OGDH: variants seen among roughly 807,000 people sequenced by gnomAD.
OGDH encodes oxoglutarate dehydrogenase, also known as 2-oxoglutarate dehydrogenase complex component E1.
In OGDH, 38 loss-of-function variants were observed where a neutral mutation model predicts 116.6. The ratio of observed to expected loss-of-function variants is 0.33; its 90% CI spans 0.25 to 0.43. OGDH has a LOEUF of 0.43. Ranked by LOEUF, OGDH falls within the 20% of genes least tolerant of loss-of-function variation. The pLI is 1.00. For missense variants in OGDH, 825 were observed against 1,357.2 expected, an observed-to-expected ratio of 0.61 and a Z score of 6.16; for synonymous variants, 488 against 533.3, an observed-to-expected ratio of 0.92 and a Z score of 1.17.
intron 4 of OGDH, among the ~76,000 whole-genome samples, chr7:44,665,182 C>T (rs1043149944): frequency 2.6e-5 from 4 of 151,846 alleles, no homozygotes; most frequent in African/African-American, 9.7e-5. Flanking sequence ...CGTGCTTCAC[C>T]TAGGCCCAAG....
Position 44,681,699 on chromosome 7 carries a change from G to T in OGDH, c.1207-21G>T, listed in dbSNP as rs781778707. On this transcript the variant is annotated intron_variant, in intron 9 of 22. Coordinates refer to ENST00000222673, the MANE Select transcript of OGDH (RefSeq NM_002541.4). Reference sequence around the variant, plus strand: ...GGCAATCAGAACATTCTGGATTTGGGGTCTCCTTTGGTGTTTACAGGTCAT... The same window carrying T: ...GGCAATCAGAACATTCTGGATTTGGTGTCTCCTTTGGTGTTTACAGGTCAT... 8 of 1,605,210 alleles carry T rather than the reference G, an allele frequency of 5.0e-6. No homozygotes were observed. The East Asian group carries it at 1.3e-4, about 27-fold the overall frequency.
chr7:44,639,412 T>C (rs1258174573), intron 2 of OGDH, among the ~76,000 whole-genome samples: 1 of 152,126 alleles, frequency 6.6e-6, no homozygotes, highest in Non-Finnish European at 1.5e-5. Flanking sequence ...GCCTGGGAGC[T>C]CTGGTACTTG....
rs932752841 is a variant in OGDH, at chr7:44,656,504, T to C, written c.517+8745T>C. The C allele has an allele frequency of 6.9e-6, 5 of 724,940 alleles. No individual in the cohort carries two copies. The Admixed American group carries it at 7.6e-5, about 11-fold the overall frequency. 44.9% of individuals were successfully genotyped at this position (724,940 alleles called of 1,614,324 possible). A position where few individuals can be genotyped will look rare whatever the true frequency, so the allele number is the denominator to read the frequency against. On this transcript the variant is annotated intron_variant, in intron 4 of 22. Coordinates refer to ENST00000222673, the MANE Select transcript of OGDH (RefSeq NM_002541.4). ...TTTAAGTTTGTTAATTGTTCTGAAA[T>C]GTGTTTTTCCCTTCCTTTAATTATT... is the stretch of plus-strand genomic sequence containing the variant.
chr7:44,628,862 C>G (rs550536770), intron 2 of OGDH, among the ~76,000 whole-genome samples: 1 of 152,216 alleles, frequency 6.6e-6, no homozygotes, highest in South Asian at 2.1e-4. Context: ...TAAGTCCACT[C>G]CCCAGAACAG....
chr7:44,680,915 T>G (rs1045400666), intron 9 of OGDH, among the ~76,000 whole-genome samples: 5 of 152,202 alleles, frequency 3.3e-5, no homozygotes, highest in Non-Finnish European at 5.9e-5. Context: ...TTAAAATAAC[T>G]AACAATATTA....
At chr7:44,675,944 T>G (rs1459344229) in intron 8 of OGDH, 26 bp from the exon 9 acceptor site, 2 of 1,604,732 alleles carry the variant, frequency 1.2e-6, no homozygotes, top group Non-Finnish European at 1.7e-6. Context: ...TTGGCCAGGG[T>G]GCAAATTCAC....
At chr7:44,678,504 T>C (rs879112185) in intron 9 of OGDH, among the ~76,000 whole-genome samples, 2 of 152,216 alleles carry the variant, frequency 1.3e-5, no homozygotes, top group Admixed American at 1.3e-4. Flanking sequence ...ATTGGTCCCT[T>C]CATGAGATGC....
chr7:44,631,383 C>T (rs1296112266), intron 2 of OGDH, among the ~76,000 whole-genome samples: 2 of 152,198 alleles, frequency 1.3e-5, no homozygotes, highest in African/African-American at 4.8e-5. Context: ...CTAGTGTACC[C>T]ATCACCCAGA....
chr7:44,617,699 C>G (rs1232071235), intron 1 of OGDH, among the ~76,000 whole-genome samples: 1 of 152,154 alleles, frequency 6.6e-6, no homozygotes, highest in African/African-American at 2.4e-5. Context: ...CATGATTCAT[C>G]AGAAGAATTG....
chr7:44,692,130 C>T (rs1397794054), intron 10 of OGDH, among the ~76,000 whole-genome samples: 2 of 152,062 alleles, frequency 1.3e-5, no homozygotes, highest in East Asian at 1.9e-4. Context: ...TTTAAATGCT[C>T]ATGCCTGTGG....
intron 2 of OGDH, among the ~76,000 whole-genome samples, chr7:44,633,988 T>C (rs759679332): frequency 2.0e-5 from 3 of 152,238 alleles, no homozygotes; most frequent in Non-Finnish European, 4.4e-5. Context: ...TTTCCATGAA[T>C]GTTTGTATAA....
chr7:44,689,528 C>T (rs1470890297), intron 10 of OGDH, among the ~76,000 whole-genome samples: 13 of 151,104 alleles, frequency 8.6e-5, no homozygotes, highest in Admixed American at 2.0e-4. Context: ...CATGAGCCAC[C>T]GCACCCCCAG....
At chr7:44,658,829 TTTA>T (rs965097852) in intron 4 of OGDH, among the ~76,000 whole-genome samples, 7 of 151,990 alleles carry the variant, frequency 4.6e-5, no homozygotes, top group South Asian at 4.2e-4. Flanking sequence ...GATCTTGTGA[TTTA>T]TTATTATTAT....
intron 1 of OGDH, among the ~76,000 whole-genome samples, chr7:44,610,454 C>T (rs1784519201): frequency 6.6e-6 from 1 of 152,070 alleles, no homozygotes; most frequent in African/African-American, 2.4e-5. Flanking sequence ...CAGGCGCTTG[C>T]CACCACACCT....
chr7:44,625,111 G>GTTTGTT (rs1237679600), intron 2 of OGDH, among the ~76,000 whole-genome samples: 2 of 151,684 alleles, frequency 1.3e-5, no homozygotes, highest in African/African-American at 2.4e-5. Context: ...GTTTTTTTTG[G>GTTTGTT]TTTGTTTTTG....
At chr7:44,675,049 C>A in intron 7 of OGDH, 129 bp from the exon 8 acceptor site, 2 of 716,578 alleles carry the variant, frequency 2.8e-6, no homozygotes. Context: ...TTACAGCTAT[C>A]CTTGGGCTGC....
intron 9 of OGDH, among the ~76,000 whole-genome samples, chr7:44,680,146 A>T (rs1260190603): frequency 6.6e-6 from 1 of 152,156 alleles, no homozygotes; most frequent in East Asian, 1.9e-4. Context: ...TGGGAGGCAG[A>T]GGTTGCAGTG....
rs552351478 is a variant in OGDH, at chr7:44,682,669, G to A, written c.1335+821G>A. On this transcript the variant is annotated intron_variant, in intron 10 of 22. Transcript: ENST00000222673. ...CAAGATCACACCACTAAGCCTGGGC[G>A]ACAGAGCAGGAGTCTGTCTAAAAAA... Among the ~76,000 whole-genome samples the A allele has an allele frequency of 4.7e-4, 71 of 151,772 alleles. 1 individual carries two copies. Among genetic ancestry groups the A allele is most frequent in the Non-Finnish European group, 7.5e-4 (51 of 67,962 alleles).
intron 4 of OGDH, among the ~76,000 whole-genome samples, chr7:44,661,518 A>G (rs974491708): frequency 1.3e-5 from 2 of 151,870 alleles, no homozygotes; most frequent in Non-Finnish European, 2.9e-5. Flanking sequence ...TCTGCTTTTC[A>G]TTGCTTTGCT....
Sources: allele counts gnomAD v4.1 joint callset (sites outside exome capture counted in the v4.1 genomes callset), GRCh38; gene constraint gnomAD v4.1.1; transcripts MANE v1.5; gene names NCBI Gene and HGNC (gene_info 2026-07-23, HGNC 2026-07-21).